RPRD1A: variants seen among roughly 807,000 people sequenced by gnomAD.
RPRD1A encodes regulation of nuclear pre-mRNA domain containing 1A.
Under a neutral mutation model 37.8 loss-of-function variants are expected in RPRD1A, and 9 were observed. The observed-to-expected ratio is 0.24, with a 90% CI of 0.14 to 0.42. The LOEUF is 0.42. Among genes scored for constraint, RPRD1A ranks in the 10% least tolerant of loss-of-function variants. RPRD1A has a pLI of 1.00. For synonymous variants in RPRD1A, 138 were observed against 139.7 expected (o/e 0.99, Z 0.08); for missense variants, 255 against 371.0 (o/e 0.69, Z 2.57).
chr18:36,025,726 A>G (rs1258302061), intron 6 of RPRD1A: 3 of 1,030,432 alleles, frequency 2.9e-6, no homozygotes, highest in Middle Eastern at 2.4e-4. Flanking sequence ...CTAAAAGACT[A>G]AAGACAAAAA....
intron 6 of RPRD1A, among the ~76,000 whole-genome samples, chr18:35,994,589 C>T (rs1356640706): frequency 6.6e-6 from 1 of 152,112 alleles, no homozygotes; most frequent in Non-Finnish European, 1.5e-5. Flanking sequence ...GCACAAACTC[C>T]TTTGGAGAAG....
intron 2 of RPRD1A, among the ~76,000 whole-genome samples, chr18:36,031,668 C>G (rs552237570): frequency 6.6e-6 from 1 of 152,132 alleles, no homozygotes; most frequent in Non-Finnish European, 1.5e-5. Flanking sequence ...TGTTTCCTAC[C>G]TCCTTCATTG....
Position 36,019,340 on chromosome 18 carries a change from C to T in RPRD1A, c.789+7560G>A, listed in dbSNP as rs933689107. On this transcript the variant is annotated intron_variant, in intron 6 of 6. Coordinates refer to ENST00000399022, the MANE Select transcript of RPRD1A (RefSeq NM_018170.5). ...GCTGGGATGGTCTCGATCTCCTGAC[C>T]TCGTCATCCACCCGCCTCAGCCTCC... Among the ~76,000 whole-genome samples, 16 of 151,942 alleles carry T rather than the reference C, an allele frequency of 1.1e-4. 1 individual carries two copies. The highest frequency in any genetic ancestry group is 3.9e-4 in the African/African-American group (16 of 41,360).
intron 6 of RPRD1A, among the ~76,000 whole-genome samples, chr18:36,020,760 G>A (rs1297715513): frequency 1.3e-5 from 2 of 151,968 alleles, no homozygotes; most frequent in Admixed American, 1.3e-4. Flanking sequence ...GTTACAGTGA[G>A]CTATGATCTT....
intron 1 of RPRD1A, among the ~76,000 whole-genome samples, chr18:36,061,829 C>T (rs1202571725): frequency 6.6e-6 from 1 of 152,164 alleles, no homozygotes; most frequent in Non-Finnish European, 1.5e-5. Context: ...GCAGAATAGA[C>T]ATTTCTCCAG....
chr18:36,067,181 G>T, intron 1 of RPRD1A, 73 bp downstream of exon 1: 1 of 1,474,446 alleles, frequency 6.8e-7, no homozygotes, highest in Middle Eastern at 2.1e-4. Context: ...GGGCGCTGGA[G>T]AAACGGGGTT....
At position 36,008,807 on chromosome 18, in the gene RPRD1A, A is replaced by G. The variant is rs568151102; in HGVS notation, c.790-15507T>C. 2.6e-5 allele frequency among the ~76,000 whole-genome samples: 4 copies of G among 151,784 alleles called. No homozygotes were observed. In the South Asian group the frequency reaches 8.4e-4, roughly 32 times the overall value. On this transcript the variant is annotated intron_variant, in intron 6 of 6. Transcript: ENST00000399022. ...AATTTCAGTTTTCCAAAATCTCACA[A>G]AATATCTCACTTGTTCCACTCTCCT...
intron 1 of RPRD1A, among the ~76,000 whole-genome samples, chr18:36,036,095 AT>A (rs752736359): frequency 1.5e-4 from 23 of 152,002 alleles, no homozygotes; most frequent in East Asian, 5.8e-4. Flanking sequence ...AACAAAAAAA[AT>A]GTTTTTGTTT....
chr18:36,010,509 A>G (rs1273895704), intron 6 of RPRD1A, among the ~76,000 whole-genome samples: 1 of 152,114 alleles, frequency 6.6e-6, no homozygotes, highest in African/African-American at 2.4e-5. Flanking sequence ...AAAAAACAAA[A>G]CAAAACAAAA....
chr18:36,018,731 T>C (rs978734119), intron 6 of RPRD1A, among the ~76,000 whole-genome samples: 1 of 151,912 alleles, frequency 6.6e-6, no homozygotes, highest in Non-Finnish European at 1.5e-5. Context: ...CAGGTGCACA[T>C]GAAAACTAAG....
chr18:36,062,221 G>T (rs2088926308), intron 1 of RPRD1A, among the ~76,000 whole-genome samples: 1 of 150,486 alleles, frequency 6.6e-6, no homozygotes, highest in South Asian at 2.1e-4. Flanking sequence ...GGAGGCTGAG[G>T]CAGGAGAATG....
chr18:36,036,690 A>C (rs1912213939), intron 1 of RPRD1A, among the ~76,000 whole-genome samples: 1 of 152,226 alleles, frequency 6.6e-6, no homozygotes, highest in Admixed American at 6.5e-5. Flanking sequence ...TACAGCAAAT[A>C]ATTAATGGCG....
chr18:36,055,235 A>C (rs1913677992), intron 1 of RPRD1A, among the ~76,000 whole-genome samples: 1 of 152,238 alleles, frequency 6.6e-6, no homozygotes, highest in African/African-American at 2.4e-5. Flanking sequence ...TTAAATGTCT[A>C]AGGTATTTTT....
At chr18:36,008,113 C>T (rs962801124) in intron 6 of RPRD1A, among the ~76,000 whole-genome samples, 1 of 151,986 alleles carries the variant, frequency 6.6e-6, no homozygotes, top group Admixed American at 6.6e-5. Context: ...ACCTAAACTT[C>T]CCAACTTGAT....
chr18:36,003,618 A>G (rs1909554292), intron 6 of RPRD1A, among the ~76,000 whole-genome samples: 1 of 152,170 alleles, frequency 6.6e-6, no homozygotes, highest in Non-Finnish European at 1.5e-5. Flanking sequence ...CAGAAGCAGA[A>G]GTTCTAAGTA....
At chr18:36,065,620 A>G (rs1386910271) in intron 1 of RPRD1A, among the ~76,000 whole-genome samples, 1 of 152,230 alleles carries the variant, frequency 6.6e-6, no homozygotes, top group Non-Finnish European at 1.5e-5. Flanking sequence ...AGGTCAAAGG[A>G]TATATTTAAT....
At chr18:36,042,623 C>A (rs1282272024) in intron 1 of RPRD1A, among the ~76,000 whole-genome samples, 2 of 152,074 alleles carry the variant, frequency 1.3e-5, no homozygotes, top group Non-Finnish European at 2.9e-5. Context: ...TTTCATTTTC[C>A]TTCCTTCACT....
chr18:36,052,158 G>GA (rs58995301), intron 1 of RPRD1A, among the ~76,000 whole-genome samples: 107,001 of 143,764 alleles, frequency 0.74, 39,926 homozygotes, highest in Admixed American at 0.81. Context: ...CATCCTAACA[G>GA]AAAAAAAAAA....
At chr18:36,026,713 A>T in intron 6 of RPRD1A, 187 bp downstream of exon 6, 2 of 448,762 alleles carry the variant, frequency 4.5e-6, no homozygotes, top group Non-Finnish European at 7.7e-6. Context: ...TTCTAAGTTT[A>T]CTTGCAAGAT....
Sources: allele counts gnomAD v4.1 joint callset (sites outside exome capture counted in the v4.1 genomes callset), GRCh38; gene constraint gnomAD v4.1.1; transcripts MANE v1.5; gene names NCBI Gene and HGNC (gene_info 2026-07-23, HGNC 2026-07-21).